The following SYT7 variants were observed in gnomAD, a reference collection of about 807,000 sequenced individuals.
SYT7 encodes synaptotagmin 7.
SYT7 carries 29 observed loss-of-function variants against 75.1 expected under a neutral mutation model. That is an observed-to-expected ratio of 0.39 (90% CI 0.29 to 0.53). SYT7 has a LOEUF of 0.53. SYT7 is among the 20% of genes least tolerant of loss of function. The probability of loss-of-function intolerance (pLI) is 0.77; values close to 1 mark genes in which losing one functional copy is unlikely to be tolerated. For synonymous variants in SYT7, 376 were observed against 401.7 expected (o/e 0.94, Z 0.76); for missense variants, 693 against 953.2 (o/e 0.73, Z 3.59).
At chr11:61,538,103 T>C (rs941320456) in intron 7 of SYT7, 41 bp downstream of exon 7, 2 of 1,533,452 alleles carry the variant, frequency 1.3e-6, no homozygotes, top group African/African-American at 1.4e-5. Flanking sequence ...CGCGCCTCCT[T>C]CTCTGCCGCC....
rs1240870418 is a variant in SYT7 at position 61,553,591 on chromosome 11, G to A, written c.136-2128C>T. On this transcript the variant is annotated intron_variant, in intron 2 of 12. Transcript: ENST00000539008. This position sits in a 1 kb window ranked among gnomAD's most constrained non-coding sequence, Gnocchi z 5.2. ...CGACTATTGCTCTGCAGCAGGAGCC[G>A]AGGTGCTATGGGGGACAGGAACCAG... Among the ~76,000 whole-genome samples the A allele has an allele frequency of 6.6e-6, 1 of 152,164 alleles. No homozygotes were observed. Among genetic ancestry groups the A allele is most frequent in the Non-Finnish European group, 1.5e-5 (1 of 68,030 alleles).
intron 1 of SYT7, among the ~76,000 whole-genome samples, chr11:61,561,270 C>T (rs1001294542): frequency 6.6e-6 from 1 of 152,190 alleles, no homozygotes; most frequent in Non-Finnish European, 1.5e-5. Context: ...CAGGCAACAT[C>T]AGGAAACCTG....
Position 61,542,322 on chromosome 11 carries a change from G to C in SYT7, c.830C>G (p.Ser277Trp), listed in dbSNP as rs1188873612. Reference sequence around the variant, plus strand: ...TGCCGCCCGGTACTTGGAGCCGGCCGAGGTGCCCTGCCGAGCCTGGCCCCG... The same window carrying C: ...TGCCGCCCGGTACTTGGAGCCGGCCCAGGTGCCCTGCCGAGCCTGGCCCCG... ...YGRGQARQGT[S>W]AGSKYRAAGG... The change falls in exon 6 of 13, where the codon TCG becomes TGG. Residue 277 changes from serine to tryptophan, a missense_variant. By Grantham distance (177) the Ser-to-Trp change is radical. This residue lies in a region of SYT7 where 487 missense variants were observed against 593.2 expected (regional missense o/e 0.82). Transcript: ENST00000539008. The surrounding 1 kb of genome is among the most constrained non-coding windows in gnomAD (Gnocchi z 7.8). 1 of 1,532,332 alleles carries C rather than the reference G, an allele frequency of 6.5e-7. No homozygotes were observed. Among genetic ancestry groups the C allele is most frequent in the South Asian group, 1.2e-5 (1 of 83,832 alleles). 94.9% of individuals were successfully genotyped at this position (1,532,332 alleles called of 1,614,324 possible). A position where few individuals can be genotyped will look rare whatever the true frequency, so the allele number is the denominator to read the frequency against.
At chr11:61,585,230 G>A (rs1187397532), upstream of SYT7, among the ~76,000 whole-genome samples, 4 of 152,174 alleles carry the variant, frequency 2.6e-5, no homozygotes, top group African/African-American at 7.2e-5. Flanking sequence ...CATTGTTGCT[G>A]TCTCCCCACA....
rs748977948 is a variant in SYT7, at chr11:61,533,107, T to C, written c.1082A>G (p.Lys361Arg). ...QGDKRLPAGG[K>R]AVNTAPVPGQ... ...TGGCACGGGGGCTGTGTTCACCGCC[T>C]TCCCTCCTGCAGGCAACCTGAGGGC... Residue 361 changes from lysine (K) to arginine (R), a missense_variant, in exon 8 of 13, where the codon AAG becomes AGG. Physicochemically the swap from Lys to Arg is conservative, Grantham distance 26. Transcript: ENST00000539008. 6.2e-7 allele frequency: 1 copy of C among 1,602,634 alleles called. No individual in the cohort carries two copies. Among genetic ancestry groups the C allele is most frequent in the Non-Finnish European group, 8.5e-7 (1 of 1,174,410 alleles).
intron 3 of SYT7, among the ~76,000 whole-genome samples, chr11:61,549,412 G>A (rs2063284741): frequency 6.6e-6 from 1 of 152,202 alleles, no homozygotes; most frequent in African/African-American, 2.4e-5. Context: ...AAACTTAGTT[G>A]GCCGTGAGAC....
chr11:61,538,399 G>GAGAGAC lies in SYT7; in HGVS notation c.942-139_942-134dup, dbSNP rs1565180505. ...AGAGAGAGAGAGAGAAAGAGAGAGA[G>GAGAGAC]AGAGACAGAGACAAAGAGAGAGAAG... On this transcript the variant is annotated intron_variant, in intron 6 of 12. Coordinates refer to ENST00000539008, the MANE Select transcript of SYT7 (RefSeq NM_001365809.2). 1.4e-5 allele frequency: 11 copies of GAGAGAC among 759,374 alleles called. No individual in the cohort carries two copies. The African/African-American group carries it at 1.6e-4, about 11-fold the overall frequency. The allele number at this position is 759,374 out of a possible 1,614,324, so 47.0% of individuals were successfully genotyped here. A position where few individuals can be genotyped will look rare whatever the true frequency, so the allele number is the denominator to read the frequency against.
At chr11:61,556,813 C>G (rs2135351714) in intron 1 of SYT7, among the ~76,000 whole-genome samples, 1 of 152,254 alleles carries the variant, frequency 6.6e-6, no homozygotes, top group African/African-American at 2.4e-5. Flanking sequence ...GCTGTTGCCC[C>G]CTTTAGCCCA....
chr11:61,581,565 C>A (rs2064275724), upstream of SYT7, among the ~76,000 whole-genome samples: 3 of 152,344 alleles, frequency 2.0e-5, no homozygotes, highest in South Asian at 6.2e-4. Context: ...CCGGGGCAGA[C>A]GGACTGGTGT....
intron 1 of SYT7, among the ~76,000 whole-genome samples, chr11:61,569,288 T>TG (rs1385001525): frequency 3.4e-4 from 51 of 152,206 alleles, no homozygotes; most frequent in African/African-American, 1.2e-3. Flanking sequence ...GTGGAGGTAC[T>TG]GGGTAGCAGC....
intron 1 of SYT7, among the ~76,000 whole-genome samples, chr11:61,562,578 A>C (rs564383997): frequency 1.3e-5 from 2 of 152,314 alleles, no homozygotes; most frequent in African/African-American, 2.4e-5. Context: ...GTGGTAAATG[A>C]AATACTGGAT....
chr11:61,527,095 A>G (rs1040634795), intron 9 of SYT7, among the ~76,000 whole-genome samples: 1 of 152,116 alleles, frequency 6.6e-6, no homozygotes, highest in African/African-American at 2.4e-5. Context: ...GTTACCTTGA[A>G]TCCTCAGAGA....
Position 61,524,683 on chromosome 11 carries a change from C to T in SYT7, c.1472-151G>A. The T allele has an allele frequency of 1.5e-6, 1 of 664,100 alleles. No individual in the cohort carries two copies. Among genetic ancestry groups the T allele is most frequent in the Non-Finnish European group, 2.5e-6 (1 of 402,616 alleles). The allele number at this position is 664,100 out of a possible 1,614,324, so 41.1% of individuals were successfully genotyped here. A position where few individuals can be genotyped will look rare whatever the true frequency, so the allele number is the denominator to read the frequency against. On this transcript the variant is annotated intron_variant, in intron 9 of 12. Coordinates refer to ENST00000539008, the MANE Select transcript of SYT7 (RefSeq NM_001365809.2). This position sits in a 1 kb window ranked among gnomAD's most constrained non-coding sequence, Gnocchi z 4.1. The stretch of plus-strand genomic sequence containing the variant: ...GCAGGCACACCGGATTGCAATTAGA[C>T]CTTACTGAAGTGCTAGCAAGAACTG...
At position 61,546,287 on chromosome 11, in the gene SYT7, G is replaced by A. The variant is rs1590889123; in HGVS notation, c.348-32C>T. On this transcript the variant is annotated intron_variant, in intron 4 of 12. Coordinates refer to ENST00000539008, the MANE Select transcript of SYT7 (RefSeq NM_001365809.2). This position sits in a 1 kb window ranked among gnomAD's most constrained non-coding sequence, Gnocchi z 7.6. The stretch of plus-strand genomic sequence containing the variant: ...GCATGCACGAGGCAGCCAGGCCAGA[G>A]GGGCACCGGGGGTGGCGGTGGGGGA... 1 of 1,391,470 alleles carries A rather than the reference G, an allele frequency of 7.2e-7. No individual in the cohort carries two copies. The highest frequency in any genetic ancestry group is 2.8e-5 in the East Asian group (1 of 35,522). The allele number at this position is 1,391,470 out of a possible 1,614,324, so 86.2% of individuals were successfully genotyped here.
intron 8 of SYT7, among the ~76,000 whole-genome samples, chr11:61,529,084 C>G (rs886768702): frequency 2.0e-5 from 3 of 152,074 alleles, no homozygotes; most frequent in African/African-American, 2.4e-5. Context: ...TACCCACCCC[C>G]CAGCCGCCTG....
intron 5 of SYT7, among the ~76,000 whole-genome samples, chr11:61,543,423 C>T (rs1342132393): frequency 6.6e-6 from 1 of 152,196 alleles, no homozygotes. Context: ...AAAGGCCCAT[C>T]AGTAATCTCT....
chr11:61,554,114 G>C (rs1164741720), intron 2 of SYT7, among the ~76,000 whole-genome samples: 1 of 152,142 alleles, frequency 6.6e-6, no homozygotes, highest in African/African-American at 2.4e-5. Flanking sequence ...GGAAGAGGCT[G>C]CTTCTGCATC....
intron 1 of SYT7, among the ~76,000 whole-genome samples, chr11:61,572,531 C>T (rs929364449): frequency 3.3e-5 from 5 of 152,152 alleles, no homozygotes; most frequent in Non-Finnish European, 7.3e-5. Flanking sequence ...CTGAGTGACC[C>T]GGGCAAGACA....
chr11:61,564,959 T>C (rs1048204925), intron 1 of SYT7, among the ~76,000 whole-genome samples: 3 of 152,088 alleles, frequency 2.0e-5, no homozygotes, highest in East Asian at 1.9e-4. Flanking sequence ...AGGAGGACAA[T>C]GGGGTGTCCC....
Sources: gnomAD v4.1 joint callset for allele counts (sites outside exome capture counted in the v4.1 genomes callset) on GRCh38, gnomAD v4.1.1 for gene constraint, gnomAD v4.1.1 regional missense constraint, Gnocchi (gnomAD v3.1) non-coding constraint, MANE v1.5 for transcripts, NCBI Gene and HGNC (gene_info 2026-07-23, HGNC 2026-07-21) for gene names.